The following TRAF5 variants were observed in gnomAD, a reference collection of about 807,000 sequenced individuals.
The protein encoded by TRAF5 is TNF receptor-associated factor 5.
In TRAF5, 48 loss-of-function variants were observed where a neutral mutation model predicts 64.5. The ratio of observed to expected loss-of-function variants is 0.74; its 90% confidence interval spans 0.59 to 0.95. The LOEUF is 0.95. Among genes scored for constraint, TRAF5 ranks in the 40% least tolerant of loss-of-function variants. TRAF5 has a pLI of 0.00. For missense variants in TRAF5, 545 were observed against 662.8 expected (o/e 0.82, Z 1.95); for synonymous variants, 206 against 240.5 (o/e 0.86, Z 1.33).
chr1:211,354,155 A>G (rs1407822358), intron 2 of TRAF5, among the ~76,000 whole-genome samples: 1 of 152,170 alleles, frequency 6.6e-6, no homozygotes, highest in Non-Finnish European at 1.5e-5. Context: ...AACAAAGGAC[A>G]GGGGGCATTC....
rs765593941 is a variant in TRAF5 at position 211,360,024 on chromosome 1, G to A, written c.491G>A (p.Arg164Gln). 1.2e-5 allele frequency: 20 copies of A among 1,613,966 alleles called. No homozygotes were observed. Among genetic ancestry groups the A allele is most frequent in the Middle Eastern group, 1.6e-4 (1 of 6,084 alleles). The change falls in exon 5 of 11, where the codon CGA (arginine) becomes CAA (glutamine). Residue 164 changes from arginine to glutamine, a missense_variant. Arg to Gln is a conservative substitution (Grantham distance 43, BLOSUM62 1). Transcript: ENST00000261464. ...KEHLSASCQF[R>Q]KEKCLYCKKD... ...CATTTGAGTGCATCCTGTCAGTTTCGAAAGGAAAAATGCCTTTATTGCAAA... is the reference window on the plus strand; with the variant it reads ...CATTTGAGTGCATCCTGTCAGTTTCAAAAGGAAAAATGCCTTTATTGCAAA...
chr1:211,369,465 A>C lies in TRAF5; in HGVS notation c.803A>C (p.His268Pro). ...TCCTGTTATTAGATTTCTGACTTAC[A>C]CAAGAGCCTAGAACAGAAAGAAAGT... ...VQLEEQISDL[H>P]KSLEQKESKI... The change falls in exon 9 of 11, where the codon CAC becomes CCC. Residue 268 changes from histidine to proline, a missense_variant. Transcript: ENST00000261464. 1 of 1,590,492 alleles carries C rather than the reference A, an allele frequency of 6.3e-7. No homozygotes were observed. Among genetic ancestry groups the C allele is most frequent in the Non-Finnish European group, 8.5e-7 (1 of 1,173,130 alleles).
At chr1:211,353,975 G>A (rs1172660229) in intron 2 of TRAF5, among the ~76,000 whole-genome samples, 2 of 152,234 alleles carry the variant, frequency 1.3e-5, no homozygotes, top group Non-Finnish European at 2.9e-5. Context: ...ACCCTGCCAA[G>A]CTTTGAAAGG....
Position 211,372,173 on chromosome 1 carries a change from T to G in TRAF5, c.1145T>G (p.Ile382Ser). 6.2e-7 allele frequency: 1 copy of G among 1,613,528 alleles called. No individual in the cohort carries two copies. Among genetic ancestry groups the G allele is most frequent in the Non-Finnish European group, 8.5e-7 (1 of 1,179,796 alleles). The change falls in exon 11 of 11, where the codon ATT becomes AGT. Residue 382 changes from isoleucine to serine, a missense_variant. Physicochemically the swap from Ile to Ser is moderately radical, Grantham distance 142. Transcript: ENST00000261464. ...AACAAACATGATACCCACATTAATA[T>G]TCATAAAGCACAGCTGAGTAAAAAT... ...ETNKHDTHIN[I>S]HKAQLSKNEE...
intron 8 of TRAF5, among the ~76,000 whole-genome samples, chr1:211,368,368 A>G (rs1252154750): frequency 6.6e-6 from 1 of 152,244 alleles, no homozygotes; most frequent in East Asian, 1.9e-4. Context: ...CAGGGAGAGC[A>G]TTCATGCTGT....
At chr1:211,346,194 T>C (rs987020579) in intron 1 of TRAF5, among the ~76,000 whole-genome samples, 4 of 152,232 alleles carry the variant, frequency 2.6e-5, no homozygotes, top group African/African-American at 9.6e-5. Flanking sequence ...AATTGTTAGC[T>C]ACCCCTCACC....
At position 211,372,514 on chromosome 1, in the gene TRAF5, A is replaced by G; in HGVS notation, c.1486A>G (p.Met496Val). 1 of 1,614,202 alleles carries G rather than the reference A, an allele frequency of 6.2e-7. No homozygotes were observed. Among genetic ancestry groups the G allele is most frequent in the Non-Finnish European group, 8.5e-7 (1 of 1,180,014 alleles). The change falls in exon 11 of 11, where the codon ATG becomes GTG. Residue 496 changes from methionine (M) to valine (V), a missense_variant. By Grantham distance (21) the Met-to-Val change is conservative. Transcript: ENST00000261464. ...GGACCAGAGTGGCAAAAAGAACATT[A>G]TGGAGACCTTCAAACCTGACCCCAA... Reference protein sequence around the residue: ...LLDQSGKKNIMETFKPDPNSS... With the variant: ...LLDQSGKKNIVETFKPDPNSS...
chr1:211,336,504 T>G (rs555173007), intron 1 of TRAF5, among the ~76,000 whole-genome samples: 2 of 152,336 alleles, frequency 1.3e-5, no homozygotes, highest in Admixed American at 1.3e-4. Flanking sequence ...ACTGGTAGAA[T>G]TTCAGGACTT....
At chr1:211,351,467 C>T (rs6666324) in intron 1 of TRAF5, among the ~76,000 whole-genome samples, 25,740 of 151,958 alleles carry the variant, frequency 0.17, 2,307 homozygotes, top group African/African-American at 0.24. Flanking sequence ...GGGAGGAATA[C>T]AAACATTCGA....
chr1:211,335,628 C>T (rs749024048), intron 1 of TRAF5, among the ~76,000 whole-genome samples: 1 of 152,104 alleles, frequency 6.6e-6, no homozygotes, highest in South Asian at 2.1e-4. Context: ...ATGGAGGAGG[C>T]ACACAGAGGC....
At position 211,374,667 on chromosome 1, in the gene TRAF5, G is replaced by A. The variant is rs1195824619; in HGVS notation, c.*1965G>A. On this transcript the variant is annotated 3_prime_UTR_variant, in exon 11 of 11. Transcript: ENST00000261464. ...AAGTCCAGACCCAGGTGCTCTGTAT[G>A]TTTGTTTTTAATATTCATCATATCC... The A allele has an allele frequency of 6.6e-6, 1 of 152,204 alleles. No individual in the cohort carries two copies. The highest frequency in any genetic ancestry group is 1.5e-5 in the Non-Finnish European group (1 of 68,020). The allele number at this position is 152,204 out of a possible 1,614,324, so 9.4% of individuals were successfully genotyped here.
intron 1 of TRAF5, among the ~76,000 whole-genome samples, chr1:211,350,322 C>A (rs1048691145): frequency 6.5e-4 from 1 of 1,534 alleles, no homozygotes; most frequent in South Asian, 0.083. Context: ...TCAAGTGATC[C>A]CCCCCTGCCT....
chr1:211,361,000 T>C (rs1387654384), intron 6 of TRAF5, 88 bp from the exon 7 acceptor site: 22 of 1,380,566 alleles, frequency 1.6e-5, no homozygotes, highest in Non-Finnish European at 2.2e-5. Context: ...GGTCCTTGCC[T>C]TCTTCCCAAG....
chr1:211,333,686 T>C (rs896744391), intron 1 of TRAF5, among the ~76,000 whole-genome samples: 6 of 151,698 alleles, frequency 4.0e-5, no homozygotes, highest in African/African-American at 1.5e-4. Context: ...TTAGTAGAGA[T>C]GGGGTTTCAC....
intron 9 of TRAF5, among the ~76,000 whole-genome samples, chr1:211,369,853 T>C (rs928313242): frequency 5.9e-5 from 9 of 152,188 alleles, no homozygotes; most frequent in African/African-American, 2.2e-4. Context: ...TGCATGTGTG[T>C]GCACGTGCTC....
At chr1:211,360,846 TGTTTG>T in intron 6 of TRAF5, 67 bp downstream of exon 6, 1 of 1,447,792 alleles carries the variant, frequency 6.9e-7, no homozygotes, top group Non-Finnish European at 9.7e-7. Flanking sequence ...TTGTGGTCTG[TGTTTG>T]ATACAGTCCC....
intron 1 of TRAF5, among the ~76,000 whole-genome samples, chr1:211,350,548 A>G (rs1702755968): frequency 6.6e-6 from 1 of 152,234 alleles, no homozygotes; most frequent in African/African-American, 2.4e-5. Flanking sequence ...AAGCCACTAA[A>G]AGATGAAGGG....
chr1:211,344,744 T>C (rs1474541213), intron 1 of TRAF5, among the ~76,000 whole-genome samples: 3 of 152,160 alleles, frequency 2.0e-5, no homozygotes, highest in Admixed American at 2.0e-4. Flanking sequence ...TTTCTCCTCC[T>C]TCGTTTTCCT....
In TRAF5 at chr1:211,353,411, A is replaced by G; in HGVS notation, c.172A>G (p.Thr58Ala). Residue 58 changes from threonine to alanine, a missense_variant, in exon 2 of 11, where the codon ACA (threonine) becomes GCA (alanine). By Grantham distance (58) the Thr-to-Ala change is moderately conservative. Coordinates refer to ENST00000261464, the MANE Select transcript of TRAF5 (RefSeq NM_001033910.3). The stretch of plus-strand genomic sequence containing the variant: ...CTCGGTGCTTCACAACCCCCACCAG[A>G]CAGGATGTGGGCACCGCTTCTGCCA... ...CHSVLHNPHQ[T>A]GCGHRFCQHC... The G allele has an allele frequency of 6.2e-7, 1 of 1,614,002 alleles. No individual in the cohort carries two copies. Among genetic ancestry groups the G allele is most frequent in the African/African-American group, 1.3e-5 (1 of 74,994 alleles).
Sources: allele counts gnomAD v4.1 joint callset (sites outside exome capture counted in the v4.1 genomes callset), GRCh38; gene constraint gnomAD v4.1.1; transcripts MANE v1.5; gene names NCBI Gene and HGNC (gene_info 2026-07-23, HGNC 2026-07-21).